Variants in ELMO1 observed in about 807,000 individuals in gnomAD.
ELMO1 encodes engulfment and cell motility 1, also known as engulfment and cell motility protein 1.
A neutral mutation model predicts 98.9 loss-of-function variants in ELMO1; 26 were observed. The observed-to-expected ratio is 0.26, with a 90% confidence interval of 0.19 to 0.36. The LOEUF is 0.36. Ranked by LOEUF, ELMO1 falls within the 10% of genes least tolerant of loss-of-function variation. The probability of loss-of-function intolerance (pLI) is 1.00; values close to 1 mark genes in which losing one functional copy is unlikely to be tolerated. For missense variants in ELMO1, 627 were observed against 935.2 expected, an observed-to-expected ratio of 0.67 and a Z score of 4.30; for synonymous variants, 346 against 346.0, an observed-to-expected ratio of 1.00 and a Z score of 0.00.
intron 15 of ELMO1, among the ~76,000 whole-genome samples, chr7:37,092,367 T>TA (rs1491244353): frequency 1.1e-4 from 8 of 70,092 alleles, no homozygotes; most frequent in Non-Finnish European, 2.0e-4. Flanking sequence ...ACCCATATTC[T>TA]TTTTTTTTTT....
At chr7:36,975,205 A>G (rs939704682) in intron 16 of ELMO1, among the ~76,000 whole-genome samples, 1 of 152,130 alleles carries the variant, frequency 6.6e-6, no homozygotes, top group Non-Finnish European at 1.5e-5. Context: ...CATGGTGGCT[A>G]ACACCTGTAA....
chr7:37,308,478 C>T (rs998892874), intron 4 of ELMO1, among the ~76,000 whole-genome samples: 1 of 152,212 alleles, frequency 6.6e-6, no homozygotes, highest in Non-Finnish European at 1.5e-5. Flanking sequence ...TCTATCCTCC[C>T]TCCTTTCTTT....
At chr7:36,970,730 C>T (rs1001199139) in intron 16 of ELMO1, among the ~76,000 whole-genome samples, 3 of 152,316 alleles carry the variant, frequency 2.0e-5, no homozygotes, top group South Asian at 2.1e-4. Flanking sequence ...CCTGTCTTCT[C>T]TTTTCCTCAA....
chr7:37,292,823 T>A (rs201743569), intron 4 of ELMO1, among the ~76,000 whole-genome samples: 4 of 50,546 alleles, frequency 7.9e-5, no homozygotes, highest in East Asian at 6.3e-4. Context: ...CCAGCCGCCC[T>A]GTCCGGGAGG....
At chr7:37,241,031 T>C (rs879796554) in intron 7 of ELMO1, among the ~76,000 whole-genome samples, 10 of 152,190 alleles carry the variant, frequency 6.6e-5, no homozygotes, top group African/African-American at 1.2e-4. Flanking sequence ...CTAGTTTTCA[T>C]ACCAGTTAGG....
chr7:37,236,630 T>C (rs1794480768), intron 7 of ELMO1, among the ~76,000 whole-genome samples: 1 of 152,202 alleles, frequency 6.6e-6, no homozygotes, highest in Non-Finnish European at 1.5e-5. Flanking sequence ...ACATATTCTG[T>C]ATATAACATA....
intron 16 of ELMO1, among the ~76,000 whole-genome samples, chr7:37,002,484 A>C (rs1028079383): frequency 3.3e-5 from 5 of 152,210 alleles, no homozygotes; most frequent in Non-Finnish European, 7.3e-5. Flanking sequence ...AAGGTAAAGG[A>C]CCATGTGGTG....
chr7:37,148,800 C>T (rs921406399), intron 13 of ELMO1, among the ~76,000 whole-genome samples: 1 of 152,202 alleles, frequency 6.6e-6, no homozygotes, highest in Non-Finnish European at 1.5e-5. Flanking sequence ...CTTCCCAGCT[C>T]CTCCTTGTAC....
intron 13 of ELMO1, among the ~76,000 whole-genome samples, chr7:37,178,861 A>G (rs1363444205): frequency 2.0e-5 from 3 of 152,204 alleles, no homozygotes; most frequent in Non-Finnish European, 4.4e-5. Flanking sequence ...TATCAAGGCC[A>G]TTAAAAATAA....
At chr7:37,263,797 A>G (rs1796103133) in intron 5 of ELMO1, among the ~76,000 whole-genome samples, 1 of 152,124 alleles carries the variant, frequency 6.6e-6, no homozygotes, top group African/African-American at 2.4e-5. Context: ...GGGGGTGTGG[A>G]GGGAAGTGAG....
intron 1 of ELMO1, among the ~76,000 whole-genome samples, chr7:37,446,950 T>C (rs1285276787): frequency 2.0e-5 from 3 of 152,118 alleles, no homozygotes; most frequent in African/African-American, 7.2e-5. Context: ...TAAGAAAAAT[T>C]AAAAATATGT....
intron 1 of ELMO1, among the ~76,000 whole-genome samples, chr7:37,373,919 T>C (rs1374849314): frequency 6.6e-6 from 1 of 152,214 alleles, no homozygotes; most frequent in African/African-American, 2.4e-5. Context: ...AAAACATAAT[T>C]TGTTACTTAA....
intron 2 of ELMO1, among the ~76,000 whole-genome samples, chr7:37,340,106 C>A (rs1800636284): frequency 1.3e-5 from 2 of 152,170 alleles, no homozygotes; most frequent in Non-Finnish European, 2.9e-5. Flanking sequence ...GGATATTACA[C>A]CAGAGAGAAA....
intron 15 of ELMO1, among the ~76,000 whole-genome samples, chr7:37,022,845 G>A (rs1213613177): frequency 6.6e-6 from 1 of 152,174 alleles, no homozygotes; most frequent in African/African-American, 2.4e-5. Context: ...CCATCCAGCA[G>A]ATTGGATAAA....
chr7:36,946,392 A>G (rs1394730909), intron 16 of ELMO1, among the ~76,000 whole-genome samples: 1 of 152,216 alleles, frequency 6.6e-6, no homozygotes, highest in African/African-American at 2.4e-5. Flanking sequence ...GGGTAAGTGC[A>G]TCTGTTGCCC....
At position 36,854,392 on chromosome 7, in the gene ELMO1, T is replaced by C. The variant is rs1279222928; in HGVS notation, c.*1159A>G. On this transcript the variant is annotated 3_prime_UTR_variant, in exon 22 of 22. Transcript: ENST00000310758. ...CAATCCATTTTATTCCACAGCATGTTTAAGGGAATGTTATTTTCAGGAAGA... is the reference window on the plus strand; with the variant it reads ...CAATCCATTTTATTCCACAGCATGTCTAAGGGAATGTTATTTTCAGGAAGA... The C allele has an allele frequency of 6.6e-6, 1 of 152,384 alleles. No homozygotes were observed. The highest frequency in any genetic ancestry group is 2.4e-5 in the African/African-American group (1 of 41,376). The allele number at this position is 152,384 out of a possible 1,614,324, so 9.4% of individuals were successfully genotyped here.
chr7:37,290,886 A>G (rs564168053), intron 4 of ELMO1, among the ~76,000 whole-genome samples: 3 of 152,246 alleles, frequency 2.0e-5, no homozygotes, highest in South Asian at 2.1e-4. Flanking sequence ...GAAGAAGAGG[A>G]AGAACAGAGG....
At chr7:37,269,556 G>C (rs369657052) in intron 5 of ELMO1, 189 of 151,010 alleles carry the variant, frequency 1.3e-3, no homozygotes, top group Middle Eastern at 3.4e-3. Context: ...ATTCTCCTGC[G>C]TCAGCCTCCC....
chr7:37,157,519 A>C (rs1788871761), intron 13 of ELMO1, among the ~76,000 whole-genome samples: 1 of 151,322 alleles, frequency 6.6e-6, no homozygotes, highest in Non-Finnish European at 1.5e-5. Flanking sequence ...CCTATGTACC[A>C]AGAATAGAGA....
Sources: gnomAD v4.1 joint callset for allele counts (sites outside exome capture counted in the v4.1 genomes callset) on GRCh38, gnomAD v4.1.1 for gene constraint, MANE v1.5 for transcripts, NCBI Gene and HGNC (gene_info 2026-07-23, HGNC 2026-07-21) for gene names.